The following STK32B variants were observed in gnomAD, a reference collection of about 807,000 sequenced individuals.
The protein encoded by STK32B is serine/threonine-protein kinase 32B.
A neutral mutation model predicts 52.6 loss-of-function variants in STK32B; 43 were observed. The ratio of observed to expected loss-of-function variants is 0.82; its 90% CI spans 0.64 to 1.05. The LOEUF (loss-of-function observed/expected upper bound fraction) is 1.05. Among genes scored for constraint, STK32B ranks in the 50% least tolerant of loss-of-function variants. The pLI is 0.00. For synonymous variants in STK32B, 238 were observed against 204.3 expected, an observed-to-expected ratio of 1.17 and a Z score of -1.41; for missense variants, 621 against 534.6, an observed-to-expected ratio of 1.16 and a Z score of -1.59.
intron 7 of STK32B, among the ~76,000 whole-genome samples, 167 bp from the exon 8 acceptor site, chr4:5,456,640 C>T (rs1207152779): frequency 6.6e-6 from 1 of 152,256 alleles, no homozygotes; most frequent in Non-Finnish European, 1.5e-5. Flanking sequence ...GGCCTGGTTA[C>T]TGTTGGCACT....
chr4:5,110,965 C>A (rs1407297103), intron 1 of STK32B, among the ~76,000 whole-genome samples: 2 of 150,152 alleles, frequency 1.3e-5, no homozygotes, highest in Non-Finnish European at 3.0e-5. Flanking sequence ...CATGAAAATA[C>A]ATTTTTGAAA....
At chr4:5,409,309 C>A (rs1737870864) in intron 5 of STK32B, among the ~76,000 whole-genome samples, 1 of 152,026 alleles carries the variant, frequency 6.6e-6, no homozygotes, top group South Asian at 2.1e-4. Flanking sequence ...AATCTAGTGT[C>A]CAGCATGGTG....
intron 2 of STK32B, among the ~76,000 whole-genome samples, chr4:5,152,125 T>G (rs1240398683): frequency 6.6e-6 from 1 of 152,232 alleles, no homozygotes; most frequent in Non-Finnish European, 1.5e-5. Flanking sequence ...GGTCTGCATT[T>G]TTTTGGTCAT....
At chr4:5,161,493 G>T (rs529280064) in intron 2 of STK32B, among the ~76,000 whole-genome samples, 1 of 152,316 alleles carries the variant, frequency 6.6e-6, no homozygotes, top group African/African-American at 2.4e-5. Flanking sequence ...CGTGTTCAAG[G>T]TAGGAAGGAC....
chr4:5,153,183 C>T (rs1322679230), intron 2 of STK32B, among the ~76,000 whole-genome samples: 1 of 152,114 alleles, frequency 6.6e-6, no homozygotes, highest in Non-Finnish European at 1.5e-5. Context: ...GGAAAATGTC[C>T]ATCAGTGTCC....
In STK32B at chr4:5,453,279, TTGA is replaced by T. The variant is rs1171822294; in HGVS notation, c.667-3524_667-3522del. On this transcript the variant is annotated intron_variant, in intron 7 of 11. Transcript: ENST00000282908. This position sits in a 1 kb window ranked among gnomAD's most constrained non-coding sequence, Gnocchi z 4.0. ...GTGGAGGTCCAGTGGAATAGCAGAA[TTGA>T]TGAGCACCTTGAATGACCAATAAGG... Among the ~76,000 whole-genome samples, 1 of 151,572 alleles carries T rather than the reference TTGA, an allele frequency of 6.6e-6. No individual in the cohort carries two copies. The highest frequency in any genetic ancestry group is 2.4e-5 in the African/African-American group (1 of 41,214).
chr4:5,371,788 T>C (rs1735263841), intron 4 of STK32B, among the ~76,000 whole-genome samples: 1 of 152,234 alleles, frequency 6.6e-6, no homozygotes, highest in Admixed American at 6.5e-5. Flanking sequence ...TGAGTTCCAA[T>C]GAAACTGTAT....
At position 5,249,437 on chromosome 4, in the gene STK32B, A is replaced by T. The variant is rs73797149; in HGVS notation, c.260+80987A>T. 5.2e-3 allele frequency among the ~76,000 whole-genome samples: 560 copies of T among 107,370 alleles called. 7 individuals carry two copies. The highest frequency in any genetic ancestry group is 0.014 in the African/African-American group (331 of 22,966). The allele number at this position is 107,370 out of a possible 152,430, so 70.4% of individuals were successfully genotyped here. On this transcript the variant is annotated intron_variant, in intron 3 of 11. Transcript: ENST00000282908. ...GCCTGTCTGTTCTTCCTTCCTTCCTACCTACCTTCCTTCCTTCCTTCCTTC... is the reference window on the plus strand; with the variant it reads ...GCCTGTCTGTTCTTCCTTCCTTCCTTCCTACCTTCCTTCCTTCCTTCCTTC...
chr4:5,319,642 T>C (rs1449647526), intron 3 of STK32B, among the ~76,000 whole-genome samples: 1 of 152,192 alleles, frequency 6.6e-6, no homozygotes, highest in Non-Finnish European at 1.5e-5. Context: ...TCCTTATTTC[T>C]GGACCATTGT....
At chr4:5,031,647 A>T in the STK32B span, among the ~76,000 whole-genome samples, 7 of 152,128 alleles carry the variant, frequency 4.6e-5, no homozygotes, top group Non-Finnish European at 8.8e-5. Flanking sequence ...TTGGTGATTC[A>T]TTGCTTTTAA....
intron 3 of STK32B, among the ~76,000 whole-genome samples, chr4:5,202,278 C>T (rs559651508): frequency 7.0e-4 from 107 of 152,354 alleles, no homozygotes; most frequent in Middle Eastern, 3.4e-3. Context: ...GTCTCACATC[C>T]AAGGCATGCT....
intron 3 of STK32B, among the ~76,000 whole-genome samples, chr4:5,310,381 A>T (rs1044126226): frequency 6.6e-6 from 1 of 152,158 alleles, no homozygotes; most frequent in South Asian, 2.1e-4. Flanking sequence ...TGGCAAATGA[A>T]CTTAATAGAC....
the STK32B span, among the ~76,000 whole-genome samples, chr4:5,023,449 G>A: frequency 6.6e-6 from 1 of 152,142 alleles, no homozygotes; most frequent in African/African-American, 2.4e-5. Flanking sequence ...GGAGCTCTTT[G>A]CCTCTTACAA....
Position 5,135,058 on chromosome 4 carries a change from A to G in STK32B, c.53-4847A>G, listed in dbSNP as rs1715994615. On this transcript the variant is annotated intron_variant, in intron 1 of 11. Coordinates refer to ENST00000282908, the MANE Select transcript of STK32B (RefSeq NM_018401.3). ...GATTTACCCAGTGTGATCAATCACC[A>G]TCAATAACTAATTAGCACTAATACA... Among the ~76,000 whole-genome samples the G allele has an allele frequency of 1.3e-5, 2 of 152,234 alleles. 1 individual carries two copies. Among genetic ancestry groups the G allele is most frequent in the South Asian group, 4.1e-4 (2 of 4,834 alleles).
At chr4:5,288,617 T>G (rs1317853845) in intron 3 of STK32B, among the ~76,000 whole-genome samples, 1 of 152,200 alleles carries the variant, frequency 6.6e-6, no homozygotes, top group East Asian at 1.9e-4. Flanking sequence ...TTGTAAGTTT[T>G]TAAATCTAAT....
intron 11 of STK32B, among the ~76,000 whole-genome samples, chr4:5,495,261 G>A (rs1430941682): frequency 6.6e-6 from 1 of 152,128 alleles, no homozygotes; most frequent in African/African-American, 2.4e-5. Flanking sequence ...ATTTCTTGGA[G>A]GCTTTGTTCG....
chr4:5,237,051 TAGG>T (rs1052218601), intron 3 of STK32B, among the ~76,000 whole-genome samples: 5 of 152,164 alleles, frequency 3.3e-5, no homozygotes, highest in South Asian at 2.1e-4. Context: ...ACTTGGTTTG[TAGG>T]AGGAGAAGTG....
chr4:5,020,117 T>TACC, the STK32B span, among the ~76,000 whole-genome samples: 1 of 152,136 alleles, frequency 6.6e-6, no homozygotes. Flanking sequence ...CACCCTCTTC[T>TACC]ACCTCAAGCT....
chr4:5,132,343 T>A (rs1560167975), intron 1 of STK32B, among the ~76,000 whole-genome samples: 2 of 152,072 alleles, frequency 1.3e-5, no homozygotes, highest in African/African-American at 4.8e-5. Flanking sequence ...CAACAAACAC[T>A]GGGTGGAGGG....
Sources: allele counts gnomAD v4.1 joint callset (sites outside exome capture counted in the v4.1 genomes callset), GRCh38; gene constraint gnomAD v4.1.1; non-coding constraint Gnocchi (gnomAD v3.1); transcripts MANE v1.5; gene names NCBI Gene and HGNC (gene_info 2026-07-23, HGNC 2026-07-21).